NPFFR2: variants seen among roughly 807,000 people sequenced by gnomAD.
NPFFR2 encodes neuropeptide FF receptor 2, also known as G-protein coupled receptor 74.
NPFFR2 carries 15 observed loss-of-function variants against 13.1 expected under a neutral mutation model. The observed-to-expected ratio is 1.15, with a 90% CI of 0.77 to 1.76. The LOEUF (loss-of-function observed/expected upper bound fraction) is 1.76. NPFFR2 is among the 40% of genes most tolerant of loss of function. The probability of loss-of-function intolerance (pLI) is 0.00; values close to 1 mark genes in which losing one functional copy is unlikely to be tolerated. For missense variants in NPFFR2, 572 were observed against 503.5 expected, an observed-to-expected ratio of 1.14 and a Z score of -1.30; for synonymous variants, 190 against 175.7, an observed-to-expected ratio of 1.08 and a Z score of -0.65.
intron 2 of NPFFR2, among the ~76,000 whole-genome samples, chr4:72,134,146 T>A (rs748874212): frequency 6.6e-6 from 1 of 151,938 alleles, no homozygotes; most frequent in African/African-American, 2.4e-5. Flanking sequence ...GCACCTGTAA[T>A]TCCAGCCACT....
chr4:72,125,588 G>A (rs534937200), intron 1 of NPFFR2, among the ~76,000 whole-genome samples: 13 of 151,938 alleles, frequency 8.6e-5, no homozygotes, highest in East Asian at 3.9e-4. Context: ...GCAAGGCTGC[G>A]TTTTTTTTCT....
At chr4:72,130,386 A>G (rs1448808483) in intron 2 of NPFFR2, among the ~76,000 whole-genome samples, 2 of 152,158 alleles carry the variant, frequency 1.3e-5, no homozygotes, top group African/African-American at 4.8e-5. Context: ...TTTTGAGAGA[A>G]GATGCAACAA....
chr4:72,104,917 T>C (rs1721375434), intron 1 of NPFFR2, among the ~76,000 whole-genome samples: 1 of 151,510 alleles, frequency 6.6e-6, no homozygotes, highest in Non-Finnish European at 1.5e-5. Context: ...ACAATCCAAA[T>C]ATTTAAGAAT....
chr4:72,053,831 C>A (rs1719662653), intron 1 of NPFFR2, among the ~76,000 whole-genome samples: 1 of 151,870 alleles, frequency 6.6e-6, no homozygotes, highest in African/African-American at 2.4e-5. Context: ...AAAGAACAGA[C>A]ATCTTTGCCT....
Position 72,127,565 on chromosome 4 carries a change from G to A in NPFFR2, c.-7-1020G>A, listed in dbSNP as rs557248274. On this transcript the variant is annotated intron_variant, in intron 1 of 3. Transcript: ENST00000308744. ...TTTTTAGTAGAGACGGGGTTTCACCGTGTTAGCCAGGATGGTCTCGATCTC... is the reference window on the plus strand; with the variant it reads ...TTTTTAGTAGAGACGGGGTTTCACCATGTTAGCCAGGATGGTCTCGATCTC... 7.7e-3 allele frequency among the ~76,000 whole-genome samples: 1,055 copies of A among 137,630 alleles called. 6 individuals are homozygous for A. The highest frequency in any genetic ancestry group is 0.013 in the Non-Finnish European group (802 of 63,792). The allele number at this position is 137,630 out of a possible 152,430, so 90.3% of individuals were successfully genotyped here.
At chr4:72,126,660 G>A (rs1722051229) in intron 1 of NPFFR2, among the ~76,000 whole-genome samples, 1 of 152,156 alleles carries the variant, frequency 6.6e-6, no homozygotes, top group Non-Finnish European at 1.5e-5. Context: ...CTGGGAGTCT[G>A]GAATTTTGAT....
chr4:72,109,236 T>C (rs563292761), intron 1 of NPFFR2, among the ~76,000 whole-genome samples: 2 of 152,148 alleles, frequency 1.3e-5, no homozygotes, highest in African/African-American at 4.8e-5. Flanking sequence ...ACAGTGTTAT[T>C]CTTGAGCTTA....
At chr4:72,052,616 A>G (rs1261222887) in intron 1 of NPFFR2, among the ~76,000 whole-genome samples, 4 of 152,010 alleles carry the variant, frequency 2.6e-5, no homozygotes, top group East Asian at 1.9e-4. Context: ...CACCACTCCT[A>G]TTCTTTGAGA....
chr4:72,110,125 G>T (rs1721523875), intron 1 of NPFFR2, among the ~76,000 whole-genome samples: 1 of 151,952 alleles, frequency 6.6e-6, no homozygotes, highest in African/African-American at 2.4e-5. Context: ...GAGGTGCCCA[G>T]TGGGAGATAC....
At chr4:72,075,968 C>CACACAT (rs1486820299) in intron 1 of NPFFR2, among the ~76,000 whole-genome samples, 5 of 12,484 alleles carry the variant, frequency 4.0e-4, no homozygotes, top group African/African-American at 5.2e-4. Context: ...CACACACACA[C>CACACAT]ACACACATAC....
chr4:72,051,723 A>T (rs1268701967), intron 1 of NPFFR2, among the ~76,000 whole-genome samples: 1 of 152,166 alleles, frequency 6.6e-6, no homozygotes, highest in African/African-American at 2.4e-5. Flanking sequence ...CTTTGAAAGG[A>T]TCAACAAAAT....
intron 1 of NPFFR2, among the ~76,000 whole-genome samples, chr4:72,060,642 C>T (rs371930129): frequency 2.0e-5 from 3 of 151,936 alleles, no homozygotes; most frequent in Admixed American, 2.0e-4. Flanking sequence ...AATTCTGAAC[C>T]TTTGGGGGAA....
At chr4:72,124,623 A>G (rs192587155) in intron 1 of NPFFR2, among the ~76,000 whole-genome samples, 11 of 152,184 alleles carry the variant, frequency 7.2e-5, no homozygotes, top group African/African-American at 2.4e-4. Flanking sequence ...AATGCCACAT[A>G]TCTACAACCA....
At chr4:72,114,945 G>C (rs1721668662) in intron 1 of NPFFR2, among the ~76,000 whole-genome samples, 1 of 152,090 alleles carries the variant, frequency 6.6e-6, no homozygotes, top group African/African-American at 2.4e-5. Flanking sequence ...CTAAAAATGG[G>C]AACAGTGATA....
At chr4:72,118,182 A>G (rs1467611517) in intron 1 of NPFFR2, among the ~76,000 whole-genome samples, 1 of 152,200 alleles carries the variant, frequency 6.6e-6, no homozygotes, top group East Asian at 1.9e-4. Context: ...TGCACGGAAT[A>G]AAATCCCACT....
chr4:72,141,665 G>T (rs934087168), intron 3 of NPFFR2, among the ~76,000 whole-genome samples: 6 of 152,300 alleles, frequency 3.9e-5, no homozygotes, highest in African/African-American at 1.4e-4. Context: ...TTGCTGAGGA[G>T]TGCTTTACTT....
intron 1 of NPFFR2, among the ~76,000 whole-genome samples, chr4:72,057,051 T>G (rs774599019): frequency 1.3e-5 from 2 of 151,996 alleles, no homozygotes; most frequent in Non-Finnish European, 2.9e-5. Flanking sequence ...AAGTGATATA[T>G]TGAAGCCTAT....
In NPFFR2 at chr4:72,147,524, C is replaced by T. The variant is rs1227728398; in HGVS notation, c.975C>T (p.Asn325=). ...YPFAHWLAFG[N]SSVNPIIYGF... is the part of the protein sequence containing the mutation. ...TTGCACACTGGCTGGCATTCGGCAACAGCAGTGTCAATCCCATCATTTATG... is the reference window on the plus strand; with the variant it reads ...TTGCACACTGGCTGGCATTCGGCAATAGCAGTGTCAATCCCATCATTTATG... The change falls in exon 4 of 4, where the codon AAC becomes AAT. Residue 325 remains asparagine, a synonymous_variant. Coordinates refer to ENST00000308744, the MANE Select transcript of NPFFR2 (RefSeq NM_004885.3). 6.2e-7 allele frequency: 1 copy of T among 1,614,220 alleles called. No individual in the cohort carries two copies. The highest frequency in any genetic ancestry group is 8.5e-7 in the Non-Finnish European group (1 of 1,180,042).
At chr4:72,100,391 A>C (rs1721206867) in intron 1 of NPFFR2, among the ~76,000 whole-genome samples, 1 of 152,110 alleles carries the variant, frequency 6.6e-6, no homozygotes, top group African/African-American at 2.4e-5. Flanking sequence ...CAGTCTTTTT[A>C]TTTATAAAAT....
Sources: gnomAD v4.1 joint callset for allele counts (sites outside exome capture counted in the v4.1 genomes callset) on GRCh38, gnomAD v4.1.1 for gene constraint, MANE v1.5 for transcripts, NCBI Gene and HGNC (gene_info 2026-07-23, HGNC 2026-07-21) for gene names.